The following CSMD2 variants were observed in gnomAD, a reference collection of about 807,000 sequenced individuals.
The protein encoded by CSMD2 is CUB and Sushi multiple domains 2, also known as CUB and sushi domain-containing protein 2.
Under a neutral mutation model 398.5 loss-of-function variants are expected in CSMD2, and 130 were observed. The ratio of observed to expected loss-of-function variants is 0.33; its 90% CI spans 0.28 to 0.38. The LOEUF (loss-of-function observed/expected upper bound fraction) is 0.38, where lower values mean the gene tolerates loss of function less well. CSMD2 is among the 10% of genes least tolerant of loss of function. The pLI is 1.00. For missense variants in CSMD2, 3,829 were observed against 4,764.9 expected (o/e 0.80, Z 5.78); for synonymous variants, 1,828 against 1,908.5 (o/e 0.96, Z 1.10).
At chr1:33,715,980 G>A (rs1163879622) in intron 20 of CSMD2, among the ~76,000 whole-genome samples, 3 of 151,894 alleles carry the variant, frequency 2.0e-5, no homozygotes, top group Non-Finnish European at 4.4e-5. Context: ...AATAACTAAG[G>A]TAGGAAGGGA....
chr1:34,079,970 T>C (rs1656870536), intron 2 of CSMD2, among the ~76,000 whole-genome samples: 1 of 152,022 alleles, frequency 6.6e-6, no homozygotes, highest in Non-Finnish European at 1.5e-5. Flanking sequence ...GCCAGGATTT[T>C]TTAAAAATTT....
intron 2 of CSMD2, among the ~76,000 whole-genome samples, chr1:34,041,946 G>A (rs573397322): frequency 6.6e-6 from 1 of 152,302 alleles, no homozygotes; most frequent in East Asian, 1.9e-4. Context: ...TATTTACTGA[G>A]TGGCAACAGG....
intron 2 of CSMD2, among the ~76,000 whole-genome samples, chr1:34,060,996 G>T (rs1654430832): frequency 6.6e-6 from 1 of 152,096 alleles, no homozygotes; most frequent in Non-Finnish European, 1.5e-5. Flanking sequence ...TTGCATAAGA[G>T]ACCATAATCC....
At chr1:33,928,729 T>TA (rs1406489373) in intron 4 of CSMD2, among the ~76,000 whole-genome samples, 1 of 152,188 alleles carries the variant, frequency 6.6e-6, no homozygotes, top group African/African-American at 2.4e-5. Context: ...AGAGTTACCC[T>TA]ATCGTAAAGA....
chr1:33,615,914 G>A (rs1378765035), intron 39 of CSMD2, among the ~76,000 whole-genome samples: 1 of 152,202 alleles, frequency 6.6e-6, no homozygotes, highest in African/African-American at 2.4e-5. Context: ...CTGGGCACCA[G>A]AGAACCTTAG....
intron 1 of CSMD2, among the ~76,000 whole-genome samples, chr1:34,130,324 C>CTTTTGAAGA (rs1186021703): frequency 7.7e-6 from 1 of 130,510 alleles, no homozygotes; most frequent in Admixed American, 9.8e-5. Flanking sequence ...TAAGAGCGAA[C>CTTTTGAAGA]TGTTTGAAGA....
At chr1:34,047,202 T>C (rs1420857169) in intron 2 of CSMD2, among the ~76,000 whole-genome samples, 1 of 152,106 alleles carries the variant, frequency 6.6e-6, no homozygotes, top group African/African-American at 2.4e-5. Context: ...TACCTCCCCC[T>C]GCTCACTCAC....
intron 3 of CSMD2, among the ~76,000 whole-genome samples, chr1:33,978,788 ATTG>A (rs1646060123): frequency 6.6e-6 from 1 of 152,084 alleles, no homozygotes; most frequent in African/African-American, 2.4e-5. Flanking sequence ...CATCCTCCTC[ATTG>A]TTTCCAGGAA....
chr1:33,783,431 T>TCTCTCTCTCTCTC (rs1653056945), intron 12 of CSMD2, among the ~76,000 whole-genome samples: 1 of 135,150 alleles, frequency 7.4e-6, no homozygotes, highest in African/African-American at 2.9e-5. Context: ...CATTCTCTCA[T>TCTCTCTCTCTCTC]TCTCTCTCTC....
intron 31 of CSMD2, among the ~76,000 whole-genome samples, chr1:33,634,302 C>T (rs779868631): frequency 6.6e-6 from 1 of 152,202 alleles, no homozygotes; most frequent in Non-Finnish European, 1.5e-5. Context: ...CAGTAAAGTG[C>T]GTGGCCCCCA....
intron 66 of CSMD2, among the ~76,000 whole-genome samples, chr1:33,524,384 T>A (rs1654584707): frequency 6.6e-6 from 1 of 152,238 alleles, no homozygotes; most frequent in African/African-American, 2.4e-5. Flanking sequence ...TTCAAGGATC[T>A]TGACACAAAT....
intron 44 of CSMD2, among the ~76,000 whole-genome samples, chr1:33,596,717 A>T (rs115681845): frequency 0.012 from 1,785 of 152,292 alleles, 35 homozygotes; most frequent in African/African-American, 0.04. Context: ...AGGATGGAGG[A>T]AACTGGCCCC....
chr1:34,135,939 T>A lies in CSMD2; in HGVS notation c.187+28972A>T, dbSNP rs75418257. 8.0e-3 allele frequency among the ~76,000 whole-genome samples: 1,219 copies of A among 152,270 alleles called. 3 individuals are homozygous for A. The highest frequency in any genetic ancestry group is 9.7e-3 in the Non-Finnish European group (662 of 68,026). On this transcript the variant is annotated intron_variant, in intron 1 of 70. Coordinates refer to ENST00000373381, the MANE Select transcript of CSMD2 (RefSeq NM_001281956.2). ...GGGGAGAAGGGCTTTTTTCACCATATGCTCTTCTATGCCATTCGAATTTTT... is the reference window on the plus strand; with the variant it reads ...GGGGAGAAGGGCTTTTTTCACCATAAGCTCTTCTATGCCATTCGAATTTTT...
intron 18 of CSMD2, 27 bp downstream of exon 18, chr1:33,724,489 T>C: frequency 6.2e-7 from 1 of 1,605,848 alleles, no homozygotes; most frequent in South Asian, 1.1e-5. Context: ...GTCTGCTACT[T>C]TAGCGCCCCC....
intron 25 of CSMD2, among the ~76,000 whole-genome samples, chr1:33,669,527 C>T (rs1244518850): frequency 6.6e-6 from 1 of 152,206 alleles, no homozygotes; most frequent in African/African-American, 2.4e-5. Flanking sequence ...GTTGCCTTCT[C>T]CCATTCTTCT....
At chr1:33,725,814 C>T (rs988620311) in intron 16 of CSMD2, among the ~76,000 whole-genome samples, 14 of 152,072 alleles carry the variant, frequency 9.2e-5, no homozygotes, top group African/African-American at 3.1e-4. Context: ...TGACTAGCCT[C>T]ATGGAGGTCA....
intron 6 of CSMD2, chr1:33,839,257 T>C (rs1417388591): frequency 6.6e-6 from 1 of 152,228 alleles, no homozygotes; most frequent in South Asian, 2.1e-4. Flanking sequence ...CACCTTAAAA[T>C]TGCCAATGTC....
At chr1:33,869,403 A>G (rs1179280534) in intron 5 of CSMD2, 1 of 152,186 alleles carries the variant, frequency 6.6e-6, no homozygotes, top group African/African-American at 2.4e-5. Flanking sequence ...TCTCTGGGAT[A>G]TGTTTTCTCA....
At position 33,625,124 on chromosome 1, in the gene CSMD2, C is replaced by T. The variant is rs749021052; in HGVS notation, c.5427G>A (p.Gly1809=). The change falls in exon 34 of 71, where the codon GGG becomes GGA. Residue 1809 remains glycine (G), a synonymous_variant. Coordinates refer to ENST00000373381, the MANE Select transcript of CSMD2 (RefSeq NM_001281956.2). ...CAGGGAGGCACTCGATCTCTGGCGACCCCTGCAGGGCATAGCCGGAGTTGC... is the reference window on the plus strand; with the variant it reads ...CAGGGAGGCACTCGATCTCTGGCGATCCCTGCAGGGCATAGCCGGAGTTGC... ...FECNSGYALQ[G]SPEIECLPVP... is the part of the protein sequence containing the mutation. The T allele has an allele frequency of 6.2e-6, 10 of 1,614,098 alleles. No homozygotes were observed. Among genetic ancestry groups the T allele is most frequent in the Non-Finnish European group, 8.5e-6 (10 of 1,180,006 alleles).
Sources: allele counts gnomAD v4.1 joint callset (sites outside exome capture counted in the v4.1 genomes callset), GRCh38; gene constraint gnomAD v4.1.1; transcripts MANE v1.5; gene names NCBI Gene and HGNC (gene_info 2026-07-23, HGNC 2026-07-21).